CYP1A2: variants seen among roughly 807,000 people sequenced by gnomAD.
CYP1A2 encodes the protein cytochrome P450 1A2.
A neutral mutation model predicts 34.7 loss-of-function variants in CYP1A2; 35 were observed. The observed-to-expected ratio is 1.01, with a 90% CI of 0.77 to 1.34. The LOEUF is 1.34. Ranked by LOEUF, CYP1A2 falls within the 40% of genes most tolerant of loss-of-function variation. CYP1A2 has a pLI of 0.00. For synonymous variants in CYP1A2, 288 were observed against 281.9 expected (o/e 1.02, Z -0.22); for missense variants, 675 against 675.8 (o/e 1.00, Z 0.01).
intron 5 of CYP1A2, among the ~76,000 whole-genome samples, chr15:74,752,918 T>C (rs537338241): frequency 6.7e-6 from 1 of 148,976 alleles, no homozygotes; most frequent in South Asian, 2.1e-4. Context: ...AAAACATTTA[T>C]CTGAAATTGC....
intron 6 of CYP1A2, 71 bp from the exon 7 acceptor site, chr15:74,754,720 T>A: frequency 6.7e-7 from 1 of 1,501,490 alleles, no homozygotes; most frequent in Non-Finnish European, 9.1e-7. Flanking sequence ...AACAGAAGTC[T>A]CCCTCCCCCA....
Position 74,751,788 on chromosome 15 carries a change from A to G in CYP1A2, c.976A>G (p.Ile326Val). Residue 326 changes from isoleucine to valine, a missense_variant, in exon 4 of 7, where the codon ATC (isoleucine) becomes GTC (valine). Ile to Val is a conservative substitution (Grantham distance 29). Coordinates refer to ENST00000343932, the MANE Select transcript of CYP1A2 (RefSeq NM_000761.5). ...GAGFDTVTTA[I>V]SWSLMYLVTK... The stretch of plus-strand genomic sequence containing the variant: ...AGGATTTGACACAGTCACCACAGCC[A>G]TCTCCTGGAGCCTCATGTACCTTGT... 6.2e-7 allele frequency: 1 copy of G among 1,614,148 alleles called. No individual in the cohort carries two copies. The highest frequency in any genetic ancestry group is 1.1e-5 in the South Asian group (1 of 91,082).
In CYP1A2 at chr15:74,750,351, T is replaced by G. The variant is rs45540640; in HGVS notation, c.613T>G (p.Phe205Val). 2.6e-4 allele frequency: 413 copies of G among 1,614,056 alleles called. 2 individuals are homozygous for G. In the African/African-American group the frequency reaches 5.0e-3, roughly 19 times the overall value. Residue 205 changes from phenylalanine (F) to valine (V), a missense_variant, in exon 2 of 7, where the codon TTC becomes GTC. Coordinates refer to ENST00000343932, the MANE Select transcript of CYP1A2 (RefSeq NM_000761.5). ...GGCCAACGTCATTGGTGCCATGTGC[T>G]TCGGACAGCACTTCCCTGAGAGTAG... ...SVANVIGAMCFGQHFPESSDE... is the reference protein window; with the variant it reads ...SVANVIGAMCVGQHFPESSDE...
In CYP1A2 at chr15:74,754,866, C is replaced by A; in HGVS notation, c.1329C>A (p.Pro443=). The A allele has an allele frequency of 6.2e-7, 1 of 1,614,196 alleles. No individual in the cohort carries two copies. The highest frequency in any genetic ancestry group is 8.5e-7 in the Non-Finnish European group (1 of 1,180,046). ...CCGATGGCACTGCCATTAACAAGCC[C>A]TTGAGTGAGAAGATGATGCTGTTTG... ...LTADGTAINK[P]LSEKMMLFGM... is the part of the protein sequence containing the mutation. Residue 443 remains proline (P), a synonymous_variant, in exon 7 of 7, where the codon CCC becomes CCA. Coordinates refer to ENST00000343932, the MANE Select transcript of CYP1A2 (RefSeq NM_000761.5).
chr15:74,752,293 T>A, intron 5 of CYP1A2, 46 bp downstream of exon 5: 1 of 1,606,958 alleles, frequency 6.2e-7, no homozygotes, highest in Non-Finnish European at 8.5e-7. Flanking sequence ...GTGCTTGCCA[T>A]GTTTTCTCTT....
rs752325506 is a variant in CYP1A2 at position 74,751,182 on chromosome 15, C to T, written c.832-7C>T. 4.3e-6 allele frequency: 7 copies of T among 1,613,582 alleles called. No homozygotes were observed. The Admixed American group carries it at 1.2e-4, about 27-fold the overall frequency. ...CCAGAGGTGCCCCTAAGCTTGTGCC[C>T]CCTCAGAACAGTGTCCGGGACATCA... On this transcript the variant is annotated splice_region_variant and splice_polypyrimidine_tract_variant and intron_variant, in intron 2 of 6. Coordinates refer to ENST00000343932, the MANE Select transcript of CYP1A2 (RefSeq NM_000761.5).
rs987714679 is a variant in CYP1A2 at position 74,752,613 on chromosome 15, T to C, written c.1166+366T>C. 6.6e-5 allele frequency among the ~76,000 whole-genome samples: 10 copies of C among 152,276 alleles called. No homozygotes were observed. The South Asian group carries it at 2.1e-3, about 32-fold the overall frequency. On this transcript the variant is annotated intron_variant, in intron 5 of 6. Transcript: ENST00000343932. ...TCTCTGACCACCAGAATCCTACCCTTGCTCAAAGTCAATGCCGACACGAGC... is the reference window on the plus strand; with the variant it reads ...TCTCTGACCACCAGAATCCTACCCTCGCTCAAAGTCAATGCCGACACGAGC...
intron 2 of CYP1A2, 52 bp downstream of exon 2, chr15:74,750,621 C>G: frequency 6.9e-7 from 1 of 1,453,316 alleles, no homozygotes; most frequent in Non-Finnish European, 9.6e-7. Flanking sequence ...CTGGGTGCAG[C>G]CCCTCCCTCC....
chr15:74,752,317 C>A lies in CYP1A2; in HGVS notation c.1166+70C>A, dbSNP rs1328403005. 7.6e-6 allele frequency: 12 copies of A among 1,585,448 alleles called. No homozygotes were observed. The South Asian group carries it at 8.1e-5, about 11-fold the overall frequency. On this transcript the variant is annotated intron_variant, in intron 5 of 6. Coordinates refer to ENST00000343932, the MANE Select transcript of CYP1A2 (RefSeq NM_000761.5). ...ATGTTTTCTCTTCCTGGCTTCTCAG[C>A]CCTGGCCCTGGCTCAGCATCTCCTT... is the stretch of plus-strand genomic sequence containing the variant.
In CYP1A2 at chr15:74,749,805, C is replaced by G; in HGVS notation, c.67C>G (p.Leu23Val). 1 of 1,588,998 alleles carries G rather than the reference C, an allele frequency of 6.3e-7. No individual in the cohort carries two copies. Among genetic ancestry groups the G allele is most frequent in the Non-Finnish European group, 8.6e-7 (1 of 1,164,652 alleles). Reference protein sequence around the residue: ...ELLLASAIFCLVFWVLKGLRP... With the variant: ...ELLLASAIFCVVFWVLKGLRP... Reference sequence around the variant, plus strand: ...TCTCCTGGCCTCTGCCATCTTCTGCCTGGTATTCTGGGTGCTCAAGGGTTT... The same window carrying G: ...TCTCCTGGCCTCTGCCATCTTCTGCGTGGTATTCTGGGTGCTCAAGGGTTT... Residue 23 changes from leucine to valine, a missense_variant, in exon 2 of 7, where the codon CTG (leucine) becomes GTG (valine). Leu to Val is a conservative substitution (Grantham distance 32). Transcript: ENST00000343932.
At position 74,754,904 on chromosome 15, in the gene CYP1A2, G is replaced by A. The variant is rs72547517; in HGVS notation, c.1367G>A (p.Arg456His). The A allele has an allele frequency of 9.9e-5, 160 of 1,614,120 alleles. No individual in the cohort carries two copies. In the East Asian group the frequency reaches 3.1e-3, roughly 31 times the overall value. The change falls in exon 7 of 7, where the codon CGC (arginine) becomes CAC (histidine). Residue 456 changes from arginine (R) to histidine (H), a missense_variant. Arg to His is a conservative substitution (Grantham distance 29). Coordinates refer to ENST00000343932, the MANE Select transcript of CYP1A2 (RefSeq NM_000761.5). ...EKMMLFGMGK[R>H]RCIGEVLAKW... The stretch of plus-strand genomic sequence containing the variant: ...ATGATGCTGTTTGGCATGGGCAAGC[G>A]CCGGTGTATCGGGGAAGTCCTGGCC...
In CYP1A2 at chr15:74,755,199, C is replaced by A; in HGVS notation, c.*111C>A. On this transcript the variant is annotated 3_prime_UTR_variant, in exon 7 of 7. Coordinates refer to ENST00000343932, the MANE Select transcript of CYP1A2 (RefSeq NM_000761.5). The stretch of plus-strand genomic sequence containing the variant: ...AAAAAATAGCAGCTTTAGCCAAGTG[C>A]AGGGCCTGTAATCCCAGCATTTTAG... 1.6e-6 allele frequency: 2 copies of A among 1,236,046 alleles called. No individual in the cohort carries two copies. The highest frequency in any genetic ancestry group is 2.2e-6 in the Non-Finnish European group (2 of 907,182). 76.6% of individuals were successfully genotyped at this position (1,236,046 alleles called of 1,614,324 possible).
intron 5 of CYP1A2, among the ~76,000 whole-genome samples, chr15:74,752,953 C>T (rs1179766202): frequency 2.7e-5 from 4 of 146,214 alleles, no homozygotes; most frequent in Admixed American, 2.2e-4. Context: ...CAGAGAACAG[C>T]CAAGTGCGCA....
intron 3 of CYP1A2, among the ~76,000 whole-genome samples, chr15:74,751,524 C>G (rs2063315401): frequency 6.6e-6 from 1 of 152,208 alleles, no homozygotes; most frequent in Non-Finnish European, 1.5e-5. Context: ...GCTTCAGTTT[C>G]CCCATCTGAA....
Position 74,755,343 on chromosome 15 carries a change from C to G in CYP1A2, c.*255C>G. The G allele has an allele frequency of 2.9e-6, 1 of 348,978 alleles. No individual in the cohort carries two copies. Among genetic ancestry groups the G allele is most frequent in the Non-Finnish European group, 5.0e-6 (1 of 200,284 alleles). The allele number at this position is 348,978 out of a possible 1,614,324, so 21.6% of individuals were successfully genotyped here. A position where few individuals can be genotyped will look rare whatever the true frequency, so the allele number is the denominator to read the frequency against. On this transcript the variant is annotated 3_prime_UTR_variant, in exon 7 of 7. Coordinates refer to ENST00000343932, the MANE Select transcript of CYP1A2 (RefSeq NM_000761.5). ...AAGAGCCTGAGTGACAGAGCAAGAC[C>G]CCATCTCAAAAAAAAAAACAAACAA...
rs527553740 is a variant in CYP1A2, at chr15:74,751,173, G to T, written c.832-16G>T. 1 of 1,613,616 alleles carries T rather than the reference G, an allele frequency of 6.2e-7. No homozygotes were observed. Among genetic ancestry groups the T allele is most frequent in the Non-Finnish European group, 8.5e-7 (1 of 1,179,806 alleles). ...TTGGAAGTGCCAGAGGTGCCCCTAA[G>T]CTTGTGCCCCCTCAGAACAGTGTCC... On this transcript the variant is annotated splice_polypyrimidine_tract_variant and intron_variant, in intron 2 of 6. Coordinates refer to ENST00000343932, the MANE Select transcript of CYP1A2 (RefSeq NM_000761.5).
chr15:74,752,913 A>G (rs1376916809), intron 5 of CYP1A2, among the ~76,000 whole-genome samples: 1 of 145,512 alleles, frequency 6.9e-6, no homozygotes, highest in Non-Finnish European at 1.5e-5. Flanking sequence ...ATAGAAAAAC[A>G]TTTATCTGAA....
At position 74,755,118 on chromosome 15, in the gene CYP1A2, G is replaced by A; in HGVS notation, c.*30G>A. On this transcript the variant is annotated 3_prime_UTR_variant, in exon 7 of 7. Transcript: ENST00000343932. Reference sequence around the variant, plus strand: ...GACACCACCATTCTGAGGCCAGGGAGCGAGTGGGGGCCAGCCACGGGGACT... The same window carrying A: ...GACACCACCATTCTGAGGCCAGGGAACGAGTGGGGGCCAGCCACGGGGACT... 1 of 1,584,724 alleles carries A rather than the reference G, an allele frequency of 6.3e-7. No individual in the cohort carries two copies.
intron 6 of CYP1A2, 61 bp from the exon 7 acceptor site, chr15:74,754,730 A>G (rs1169049598): frequency 9.1e-6 from 14 of 1,544,636 alleles, no homozygotes; most frequent in Non-Finnish European, 1.2e-5. Context: ...TCCCTCCCCC[A>G]GGCACCTCCT....
Sources: gnomAD v4.1 joint callset for allele counts (sites outside exome capture counted in the v4.1 genomes callset) on GRCh38, gnomAD v4.1.1 for gene constraint, MANE v1.5 for transcripts, NCBI Gene and HGNC (gene_info 2026-07-23, HGNC 2026-07-21) for gene names.